The following RTF2 variants were observed in gnomAD, a reference collection of about 807,000 sequenced individuals.
RTF2 encodes the protein replication termination factor 2.
Under a neutral mutation model 38.0 loss-of-function variants are expected in RTF2, and 18 were observed. That is an observed-to-expected ratio of 0.47 (90% CI 0.33 to 0.70). The LOEUF (loss-of-function observed/expected upper bound fraction) is 0.70. Ranked by LOEUF, RTF2 falls within the 30% of genes least tolerant of loss-of-function variation. The pLI is 0.02. For synonymous variants in RTF2, 126 were observed against 137.1 expected (o/e 0.92, Z 0.57); for missense variants, 311 against 379.6 (o/e 0.82, Z 1.50).
chr20:56,509,586 C>A (rs1984503761), intron 5 of RTF2, among the ~76,000 whole-genome samples: 1 of 146,906 alleles, frequency 6.8e-6, no homozygotes, highest in Non-Finnish European at 1.5e-5. Context: ...GGACTGCAGC[C>A]TGGCGACAAA....
intron 5 of RTF2, among the ~76,000 whole-genome samples, chr20:56,502,761 C>G (rs947713320): frequency 6.6e-6 from 1 of 152,148 alleles, no homozygotes; most frequent in Non-Finnish European, 1.5e-5. Flanking sequence ...GAGAGCTTTA[C>G]TTTTCAAAAA....
intron 4 of RTF2, among the ~76,000 whole-genome samples, chr20:56,479,279 G>A (rs984850843): frequency 1.3e-5 from 2 of 152,142 alleles, no homozygotes; most frequent in African/African-American, 4.8e-5. Context: ...CGTCTGGAGT[G>A]CAGTGGCACA....
chr20:56,511,545 C>A lies in RTF2; in HGVS notation c.478-1770C>A, dbSNP rs149331555. Among the ~76,000 whole-genome samples the A allele has an allele frequency of 6.8e-3, 1,039 of 152,148 alleles. 14 individuals carry two copies. Among genetic ancestry groups the A allele is most frequent in the African/African-American group, 0.024 (984 of 41,480 alleles). ...AAAACACATTTTCCTATAAATTATT[C>A]TTCTTTCCTTTTTTACATTTAGGTG... On this transcript the variant is annotated intron_variant, in intron 5 of 8. Coordinates refer to ENST00000357348, the MANE Select transcript of RTF2 (RefSeq NM_016407.5).
intron 2 of RTF2, among the ~76,000 whole-genome samples, chr20:56,474,224 T>C (rs1395483050): frequency 1.3e-5 from 2 of 152,240 alleles, no homozygotes; most frequent in Non-Finnish European, 2.9e-5. Context: ...CTCATGCCTG[T>C]GATCCCAGCA....
intron 5 of RTF2, among the ~76,000 whole-genome samples, chr20:56,505,227 C>T (rs1984187505): frequency 6.6e-6 from 1 of 152,086 alleles, no homozygotes; most frequent in African/African-American, 2.4e-5. Flanking sequence ...TGGCTCATAT[C>T]TGTAATCCCA....
Position 56,518,877 on chromosome 20 carries a change from C to CT in RTF2, c.*613dup, listed in dbSNP as rs1412622552. 2 of 152,184 alleles carry CT rather than the reference C, an allele frequency of 1.3e-5. No homozygotes were observed. The highest frequency in any genetic ancestry group is 4.8e-5 in the African/African-American group (2 of 41,434). The allele number at this position is 152,184 out of a possible 1,614,324, so 9.4% of individuals were successfully genotyped here. On this transcript the variant is annotated 3_prime_UTR_variant, in exon 9 of 9. Coordinates refer to ENST00000357348, the MANE Select transcript of RTF2 (RefSeq NM_016407.5). ...GGGTTCAAAAATAAAGCTGGTCTGC[C>CT]TCTTCTCTCCTCTGTGTTTTTATCT... is the stretch of plus-strand genomic sequence containing the variant.
intron 2 of RTF2, among the ~76,000 whole-genome samples, chr20:56,473,989 G>A (rs544373863): frequency 2.8e-4 from 42 of 152,324 alleles, no homozygotes; most frequent in African/African-American, 9.9e-4. Flanking sequence ...TCCATGTGCT[G>A]TCCAAAGCGG....
At chr20:56,488,506 A>C (rs1982909707) in intron 5 of RTF2, among the ~76,000 whole-genome samples, 1 of 152,130 alleles carries the variant, frequency 6.6e-6, no homozygotes, top group South Asian at 2.1e-4. Context: ...AAATATATAT[A>C]CTCACACTGT....
intron 5 of RTF2, among the ~76,000 whole-genome samples, chr20:56,499,194 CTTTTTTTTTTT>C (rs774875921): frequency 6.3e-4 from 84 of 133,040 alleles, no homozygotes; most frequent in Non-Finnish European, 9.0e-4. Flanking sequence ...TAATACTTAT[CTTTTTTTTTTT>C]TTTTTTTTTG....
Position 56,474,667 on chromosome 20 carries a change from T to C in RTF2, c.165-11T>C. 4.5e-6 allele frequency: 7 copies of C among 1,565,798 alleles called. No individual in the cohort carries two copies. Among genetic ancestry groups the C allele is most frequent in the Non-Finnish European group, 6.1e-6 (7 of 1,146,624 alleles). On this transcript the variant is annotated splice_polypyrimidine_tract_variant and intron_variant, in intron 2 of 8. Coordinates refer to ENST00000357348, the MANE Select transcript of RTF2 (RefSeq NM_016407.5). ...CTTGTTGACATAATATTCTAATACT[T>C]ACTATTGCAGACTTTATAACAAAGA... is the stretch of plus-strand genomic sequence containing the variant.
At chr20:56,509,230 G>A (rs993929607) in intron 5 of RTF2, among the ~76,000 whole-genome samples, 4 of 152,256 alleles carry the variant, frequency 2.6e-5, no homozygotes, top group Non-Finnish European at 5.9e-5. Flanking sequence ...CAGTTAGCAC[G>A]TGAAAAGATG....
chr20:56,500,139 C>T (rs914275707), intron 5 of RTF2, among the ~76,000 whole-genome samples: 1 of 151,890 alleles, frequency 6.6e-6, no homozygotes, highest in African/African-American at 2.4e-5. Context: ...ACTGCAACCT[C>T]CACCTCCTGG....
At chr20:56,483,237 A>G (rs1269948591) in intron 4 of RTF2, among the ~76,000 whole-genome samples, 2 of 152,198 alleles carry the variant, frequency 1.3e-5, no homozygotes, top group African/African-American at 4.8e-5. Flanking sequence ...GTCACACTTT[A>G]CTTGATACTG....
chr20:56,507,758 C>A (rs1984373912), intron 5 of RTF2, among the ~76,000 whole-genome samples: 2 of 152,184 alleles, frequency 1.3e-5, no homozygotes, highest in Non-Finnish European at 2.9e-5. Context: ...GGGTTCCTCC[C>A]CACCCCTGGG....
rs972812010 is a variant in RTF2 at position 56,518,168 on chromosome 20, C to T, written c.824C>T (p.Ser275Leu). 3.7e-6 allele frequency: 6 copies of T among 1,614,136 alleles called. No homozygotes were observed. The highest frequency in any genetic ancestry group is 1.7e-5 in the Admixed American group (1 of 60,008). Residue 275 changes from serine (S) to leucine (L), a missense_variant, in exon 9 of 9, where the codon TCG (serine) becomes TTG (leucine). Physicochemically the swap from Ser to Leu is moderately radical, Grantham distance 145. Coordinates refer to ENST00000357348, the MANE Select transcript of RTF2 (RefSeq NM_016407.5). ...TKRSIADSEESEAYKSLFTTH... is the reference protein window; with the variant it reads ...TKRSIADSEELEAYKSLFTTH... ...AGGTCCATCGCTGACAGTGAAGAAT[C>T]GGAGGCCTACAAGTCCCTCTTTACC...
At chr20:56,501,724 G>T (rs1337076021) in intron 5 of RTF2, among the ~76,000 whole-genome samples, 1 of 152,088 alleles carries the variant, frequency 6.6e-6, no homozygotes, top group Admixed American at 6.6e-5. Context: ...AGTATTAGGG[G>T]TCCCAAAATT....
intron 5 of RTF2, among the ~76,000 whole-genome samples, chr20:56,505,885 G>A (rs989864203): frequency 6.6e-6 from 1 of 151,968 alleles, no homozygotes; most frequent in African/African-American, 2.4e-5. Context: ...TAAATAAAAG[G>A]ACATACGATA....
chr20:56,504,004 C>T, intron 5 of RTF2: 1 of 152,434 alleles, frequency 6.6e-6, no homozygotes, highest in Non-Finnish European at 1.5e-5. Context: ...GCACATATAC[C>T]TGCTTAACCT....
intron 5 of RTF2, among the ~76,000 whole-genome samples, chr20:56,496,476 AGGTGG>A (rs1983543589): frequency 6.6e-6 from 1 of 152,202 alleles, no homozygotes; most frequent in Non-Finnish European, 1.5e-5. Context: ...TGAACCCGGG[AGGTGG>A]AGCTTGCAGT....
Sources: gnomAD v4.1 joint callset for allele counts (sites outside exome capture counted in the v4.1 genomes callset) on GRCh38, gnomAD v4.1.1 for gene constraint, MANE v1.5 for transcripts, NCBI Gene and HGNC (gene_info 2026-07-23, HGNC 2026-07-21) for gene names.